GRM5: variants seen among roughly 807,000 people sequenced by gnomAD.
GRM5 encodes the protein glutamate metabotropic receptor 5, also known as metabotropic glutamate receptor 5.
In GRM5, 19 loss-of-function variants were observed where a neutral mutation model predicts 83.1. That is an observed-to-expected ratio of 0.23 (90% confidence interval 0.16 to 0.34). The LOEUF (loss-of-function observed/expected upper bound fraction) is 0.34, where lower values mean the gene tolerates loss of function less well. Among genes scored for constraint, GRM5 ranks in the 10% least tolerant of loss-of-function variants. The pLI is 1.00. For synonymous variants in GRM5, 675 were observed against 633.6 expected (o/e 1.07, Z -0.98); for missense variants, 1,160 against 1,588.3 (o/e 0.73, Z 4.58).
At chr11:88,645,851 A>G (rs1034193986) in intron 4 of GRM5, among the ~76,000 whole-genome samples, 1 of 152,122 alleles carries the variant, frequency 6.6e-6, no homozygotes, top group Admixed American at 6.6e-5. Context: ...GTAACAATAG[A>G]ATGAACACTA....
At chr11:88,633,737 T>C (rs1325056964) in intron 4 of GRM5, among the ~76,000 whole-genome samples, 2 of 152,172 alleles carry the variant, frequency 1.3e-5, no homozygotes, top group Admixed American at 1.3e-4. Context: ...CTTAGACTGG[T>C]CTTGAACTCC....
intron 4 of GRM5, among the ~76,000 whole-genome samples, chr11:88,622,794 G>A (rs539723945): frequency 1.3e-5 from 2 of 152,068 alleles, no homozygotes; most frequent in African/African-American, 2.4e-5. Flanking sequence ...TTGCAGTAGA[G>A]GAATTAGTCT....
At chr11:88,870,809 A>T (rs1944754726) in intron 2 of GRM5, among the ~76,000 whole-genome samples, 1 of 151,540 alleles carries the variant, frequency 6.6e-6, no homozygotes, top group South Asian at 2.1e-4. Context: ...TGAGAGGTAA[A>T]GCCAAGAAAC....
chr11:89,010,791 C>T (rs981888834), intron 2 of GRM5, among the ~76,000 whole-genome samples: 20 of 151,100 alleles, frequency 1.3e-4, no homozygotes, highest in Admixed American at 2.6e-4. Flanking sequence ...TTTCTTCCTT[C>T]CTTTCCCTCC....
At chr11:88,574,852 A>G (rs1461633885) in intron 7 of GRM5, among the ~76,000 whole-genome samples, 4 of 152,112 alleles carry the variant, frequency 2.6e-5, no homozygotes, top group Non-Finnish European at 5.9e-5. Context: ...AATTCATTGG[A>G]TCTGGGAAGT....
chr11:88,971,531 C>A (rs1939164360), intron 2 of GRM5, among the ~76,000 whole-genome samples: 2 of 152,122 alleles, frequency 1.3e-5, no homozygotes, highest in South Asian at 4.1e-4. Flanking sequence ...GAACATGTGG[C>A]ATTTAGTTTT....
intron 3 of GRM5, among the ~76,000 whole-genome samples, chr11:88,772,167 T>C (rs1266272675): frequency 6.6e-6 from 1 of 152,126 alleles, no homozygotes; most frequent in East Asian, 1.9e-4. Flanking sequence ...TAAAGATATC[T>C]ATTGAAACAT....
At chr11:88,790,215 C>T (rs1943147973) in intron 3 of GRM5, among the ~76,000 whole-genome samples, 1 of 152,096 alleles carries the variant, frequency 6.6e-6, no homozygotes, top group Admixed American at 6.6e-5. Context: ...TATTTTTGCT[C>T]TAAATCCATA....
intron 2 of GRM5, among the ~76,000 whole-genome samples, chr11:89,028,487 GAA>G (rs771416221): frequency 5.9e-5 from 9 of 152,128 alleles, no homozygotes; most frequent in Non-Finnish European, 1.0e-4. Context: ...CAGGGACTGA[GAA>G]AGAGGCTGAG....
chr11:88,703,476 C>G (rs1217317114), intron 3 of GRM5, among the ~76,000 whole-genome samples: 1 of 151,990 alleles, frequency 6.6e-6, no homozygotes, highest in Non-Finnish European at 1.5e-5. Context: ...AAACCTAGTT[C>G]AATTAGGGGT....
At chr11:88,950,743 T>C (rs1938433443) in intron 2 of GRM5, among the ~76,000 whole-genome samples, 1 of 152,188 alleles carries the variant, frequency 6.6e-6, no homozygotes, top group Admixed American at 6.5e-5. Context: ...TCTGTCATTA[T>C]TTGCTGTGAG....
At chr11:88,891,821 A>G (rs575792247) in intron 2 of GRM5, among the ~76,000 whole-genome samples, 6 of 152,106 alleles carry the variant, frequency 3.9e-5, no homozygotes, top group Non-Finnish European at 7.4e-5. Flanking sequence ...GAAGATTGTA[A>G]CATTGGAAAA....
chr11:89,022,034 T>C (rs1298132670), intron 2 of GRM5, among the ~76,000 whole-genome samples: 2 of 152,192 alleles, frequency 1.3e-5, no homozygotes, highest in Non-Finnish European at 2.9e-5. Context: ...AGTTTTGTGA[T>C]AGATCATATC....
intron 7 of GRM5, among the ~76,000 whole-genome samples, chr11:88,573,015 C>G (rs1943035955): frequency 6.6e-6 from 1 of 152,114 alleles, no homozygotes; most frequent in South Asian, 2.1e-4. Context: ...TCTAGAAATG[C>G]AGATGAAACA....
chr11:88,604,304 C>T (rs189249011), intron 5 of GRM5, among the ~76,000 whole-genome samples: 1 of 152,250 alleles, frequency 6.6e-6, no homozygotes, highest in East Asian at 1.9e-4. Context: ...AACAACAGAA[C>T]AGAACCTCAG....
At chr11:88,737,547 A>G (rs865900394) in intron 3 of GRM5, among the ~76,000 whole-genome samples, 1 of 152,124 alleles carries the variant, frequency 6.6e-6, no homozygotes, top group African/African-American at 2.4e-5. Flanking sequence ...TGAATGGAAC[A>G]ATAATTACTG....
chr11:88,787,233 T>C (rs917122506), intron 3 of GRM5, among the ~76,000 whole-genome samples: 22 of 150,662 alleles, frequency 1.5e-4, no homozygotes, highest in Non-Finnish European at 3.0e-4. Context: ...AGATCCGACA[T>C]CCAAGCATCA....
chr11:89,021,825 G>GTCAT (rs781694197), intron 2 of GRM5, among the ~76,000 whole-genome samples: 1 of 152,258 alleles, frequency 6.6e-6, no homozygotes, highest in East Asian at 1.9e-4. Context: ...CACTCTTTAA[G>GTCAT]TCATTCATTC....
chr11:88,983,150 T>G (rs1465229396), intron 2 of GRM5, among the ~76,000 whole-genome samples: 2 of 152,212 alleles, frequency 1.3e-5, no homozygotes, highest in Non-Finnish European at 2.9e-5. Context: ...GTATTCAAAT[T>G]CACATTTTTT....
Sources: allele counts gnomAD v4.1 joint callset (sites outside exome capture counted in the v4.1 genomes callset), GRCh38; gene constraint gnomAD v4.1.1; transcripts MANE v1.5; gene names NCBI Gene and HGNC (gene_info 2026-07-23, HGNC 2026-07-21).